Variants in MYO16 observed in about 807,000 individuals in gnomAD.
The protein encoded by MYO16 is unconventional myosin-XVI.
Under a neutral mutation model 205.3 loss-of-function variants are expected in MYO16, and 94 were observed. That is an observed-to-expected ratio of 0.46 (90% CI 0.39 to 0.54). The LOEUF (loss-of-function observed/expected upper bound fraction) is 0.54. Among genes scored for constraint, MYO16 ranks in the 20% least tolerant of loss-of-function variants. The pLI is 0.00. For synonymous variants in MYO16, 988 were observed against 954.0 expected (o/e 1.04, Z -0.66); for missense variants, 2,315 against 2,387.5 (o/e 0.97, Z 0.63).
At chr13:109,199,256 G>A (rs1395408728) in intron 34 of MYO16, among the ~76,000 whole-genome samples, 3 of 94,274 alleles carry the variant, frequency 3.2e-5, no homozygotes, top group Admixed American at 1.4e-4. Context: ...ATTTTGCCTC[G>A]CTCCATCTCT....
chr13:108,909,015 A>T (rs974986324), intron 15 of MYO16, among the ~76,000 whole-genome samples: 1 of 142,192 alleles, frequency 7.0e-6, no homozygotes, highest in Non-Finnish European at 1.5e-5. Context: ...AATAAATAAA[A>T]ATATAATTGA....
At chr13:108,822,191 G>A (rs1876012643) in intron 8 of MYO16, among the ~76,000 whole-genome samples, 1 of 152,076 alleles carries the variant, frequency 6.6e-6, no homozygotes, top group African/African-American at 2.4e-5. Context: ...AAAAATCTGT[G>A]GGAAAAACAA....
chr13:108,500,587 C>A, the MYO16 span, among the ~76,000 whole-genome samples: 1 of 152,022 alleles, frequency 6.6e-6, no homozygotes, highest in African/African-American at 2.4e-5. Context: ...TTCCCTCCCC[C>A]ACATCCCATT....
intron 10 of MYO16, among the ~76,000 whole-genome samples, chr13:108,845,376 G>T (rs11841887): frequency 0.47 from 70,826 of 151,918 alleles, 17,200 homozygotes; most frequent in Middle Eastern, 0.59. Flanking sequence ...TCTCACAGTC[G>T]TGGAGGCATC....
chr13:108,733,647 G>T (rs993886198), intron 4 of MYO16, among the ~76,000 whole-genome samples: 2 of 152,060 alleles, frequency 1.3e-5, no homozygotes, highest in African/African-American at 2.4e-5. Context: ...ATTTAAAATT[G>T]GGGAAGAATA....
Position 108,996,025 on chromosome 13 carries a change from G to A in MYO16, c.2442+3577G>A, listed in dbSNP as rs562402738. 5.9e-5 allele frequency among the ~76,000 whole-genome samples: 9 copies of A among 152,270 alleles called. No individual in the cohort carries two copies. In the South Asian group the frequency reaches 1.2e-3, roughly 21 times the overall value. On this transcript the variant is annotated intron_variant, in intron 21 of 34. Coordinates refer to ENST00000457511, the MANE Select transcript of MYO16 (RefSeq NM_001198950.3). ...CAACCATTGTGGAAGTCAGTGTGGC[G>A]ATTCCTCAGGGATCTTGAACTAGAA... is the stretch of plus-strand genomic sequence containing the variant.
chr13:109,178,577 A>G (rs1360837159), intron 33 of MYO16, among the ~76,000 whole-genome samples: 1 of 152,186 alleles, frequency 6.6e-6, no homozygotes, highest in Non-Finnish European at 1.5e-5. Flanking sequence ...CTCTGAGTTG[A>G]ATTCATTTTG....
chr13:108,785,589 A>T, intron 4 of MYO16, 46 bp from the exon 5 acceptor site: 2 of 1,191,660 alleles, frequency 1.7e-6, no homozygotes, highest in Non-Finnish European at 2.3e-6. Context: ...ATCTGCTTTT[A>T]ATTTAAACAG....
intron 34 of MYO16, among the ~76,000 whole-genome samples, chr13:109,191,016 C>T (rs529951739): frequency 2.6e-5 from 4 of 151,730 alleles, no homozygotes; most frequent in African/African-American, 9.7e-5. Flanking sequence ...GTCAAGAGTT[C>T]GAGACAAGCC....
chr13:108,963,951 G>A (rs1369153709), intron 19 of MYO16, among the ~76,000 whole-genome samples: 1 of 152,100 alleles, frequency 6.6e-6, no homozygotes, highest in Non-Finnish European at 1.5e-5. Context: ...CCTTGAACTT[G>A]CAGCTCTCTG....
intron 1 of MYO16, among the ~76,000 whole-genome samples, chr13:108,600,849 A>T (rs1398991144): frequency 6.6e-6 from 1 of 152,168 alleles, no homozygotes; most frequent in Non-Finnish European, 1.5e-5. Context: ...TATTTATTTT[A>T]CTACGGTTTT....
intron 23 of MYO16, among the ~76,000 whole-genome samples, chr13:109,028,882 T>A (rs1288215220): frequency 6.6e-6 from 1 of 151,556 alleles, no homozygotes; most frequent in African/African-American, 2.4e-5. Context: ...ATGAAGTCAC[T>A]GATTTGTAGC....
intron 28 of MYO16, 69 bp from the exon 29 acceptor site, chr13:109,120,301 T>C: frequency 4.6e-6 from 5 of 1,094,274 alleles, no homozygotes; most frequent in Non-Finnish European, 6.7e-6. Flanking sequence ...ATATTTTGTC[T>C]GATTATTTTT....
chr13:108,572,437 T>C, the MYO16 span, among the ~76,000 whole-genome samples: 5,000 of 152,304 alleles, frequency 0.033, 248 homozygotes, highest in African/African-American at 0.11. Context: ...AAGTAAAGCA[T>C]GGAAACCTGG....
At chr13:109,029,599 C>A (rs1489898074) in intron 23 of MYO16, among the ~76,000 whole-genome samples, 4 of 152,066 alleles carry the variant, frequency 2.6e-5, no homozygotes, top group Admixed American at 2.6e-4. Context: ...AGGCAGAATC[C>A]CCAGACATAA....
At chr13:108,725,223 G>A (rs1234340412) in intron 3 of MYO16, among the ~76,000 whole-genome samples, 1 of 151,926 alleles carries the variant, frequency 6.6e-6, no homozygotes, top group South Asian at 2.1e-4. Context: ...TTATAAATAC[G>A]GTTTTAACAC....
intron 20 of MYO16, among the ~76,000 whole-genome samples, chr13:108,972,671 G>A (rs1884096504): frequency 6.6e-6 from 1 of 151,342 alleles, no homozygotes; most frequent in Admixed American, 6.6e-5. Flanking sequence ...TGTAGTAAGC[G>A]AGGATCATCG....
rs1875989359 is a variant in MYO16 at position 109,121,510 on chromosome 13, AC to A, written c.3535+1048del. On this transcript the variant is annotated intron_variant, in intron 29 of 34. Transcript: ENST00000457511. ...TCCTTTGGCCGGTCATTTGTAACTC[AC>A]CCCTCAGCCCCTGGGCACCTTGCAG... Among the ~76,000 whole-genome samples the A allele has an allele frequency of 2.6e-5, 4 of 152,010 alleles. No individual in the cohort carries two copies. The South Asian group carries it at 8.3e-4, about 32-fold the overall frequency.
chr13:109,023,487 T>C (rs1404788175), intron 23 of MYO16, among the ~76,000 whole-genome samples: 2 of 110,722 alleles, frequency 1.8e-5, no homozygotes, highest in Non-Finnish European at 3.3e-5. Context: ...TAAATATATA[T>C]TTATATATTA....
Sources: gnomAD v4.1 joint callset for allele counts (sites outside exome capture counted in the v4.1 genomes callset) on GRCh38, gnomAD v4.1.1 for gene constraint, MANE v1.5 for transcripts, NCBI Gene and HGNC (gene_info 2026-07-23, HGNC 2026-07-21) for gene names.